CDKL1: variants seen among roughly 807,000 people sequenced by gnomAD.
CDKL1 encodes the protein cyclin-dependent kinase-like 1.
CDKL1 carries 41 observed loss-of-function variants against 42.0 expected under a neutral mutation model. That is an observed-to-expected ratio of 0.98 (90% CI 0.76 to 1.27). The LOEUF is 1.27. Ranked by LOEUF, CDKL1 falls within the 50% of genes most tolerant of loss-of-function variation. The pLI is 0.00. For synonymous variants in CDKL1, 153 were observed against 158.6 expected, an observed-to-expected ratio of 0.96 and a Z score of 0.26; for missense variants, 394 against 428.4, an observed-to-expected ratio of 0.92 and a Z score of 0.71.
Position 50,395,909 on chromosome 14 carries a change from G to T in CDKL1, c.-41C>A, listed in dbSNP as rs1456423915. On this transcript the variant is annotated 5_prime_UTR_variant, in exon 2 of 10. Transcript: ENST00000395834. Reference sequence around the variant, plus strand: ...CTTCTTAAAATGGATCTTCAGCCGAGAATGGTGGCTCACGCCTGTAATCCC... The same window carrying T: ...CTTCTTAAAATGGATCTTCAGCCGATAATGGTGGCTCACGCCTGTAATCCC... 3.1e-6 allele frequency: 5 copies of T among 1,596,928 alleles called. No individual in the cohort carries two copies. Among genetic ancestry groups the T allele is most frequent in the Non-Finnish European group, 4.3e-6 (5 of 1,165,132 alleles).
In CDKL1 at chr14:50,326,605, T is replaced by G. The variant is rs2032714491; in HGVS notation, c.*3469A>C. 1.0e-6 allele frequency: 1 copy of G among 985,342 alleles called. No individual in the cohort carries two copies. The highest frequency in any genetic ancestry group is 4.7e-5 in the South Asian group (1 of 21,292). 61.0% of individuals were successfully genotyped at this position (985,342 alleles called of 1,614,324 possible). Reference sequence around the variant, plus strand: ...CAGAATCAACAGTTGCTGCTTAATTTGTCTATTTTGTAAGCTTAGGCTACT... The same window carrying G: ...CAGAATCAACAGTTGCTGCTTAATTGGTCTATTTTGTAAGCTTAGGCTACT... On this transcript the variant is annotated 3_prime_UTR_variant, in exon 10 of 10. Transcript: ENST00000395834.
chr14:50,373,353 G>T (rs2034640608), intron 2 of CDKL1, among the ~76,000 whole-genome samples: 1 of 152,156 alleles, frequency 6.6e-6, no homozygotes, highest in Non-Finnish European at 1.5e-5. Context: ...AAATGATAAA[G>T]GGACATATGA....
chr14:50,351,172 T>G (rs2139426758), intron 3 of CDKL1, among the ~76,000 whole-genome samples: 1 of 152,172 alleles, frequency 6.6e-6, no homozygotes, highest in Middle Eastern at 3.4e-3. Context: ...ATGGATGTAC[T>G]TGGTCAAAAT....
At chr14:50,337,320 A>G (rs2033333480) in intron 7 of CDKL1, among the ~76,000 whole-genome samples, 1 of 145,482 alleles carries the variant, frequency 6.9e-6, no homozygotes, top group African/African-American at 2.5e-5. Flanking sequence ...ACACTGTTTT[A>G]TAACCGTCTT....
At chr14:50,350,384 C>A (rs1338520163) in intron 3 of CDKL1, among the ~76,000 whole-genome samples, 2 of 152,206 alleles carry the variant, frequency 1.3e-5, no homozygotes, top group South Asian at 2.1e-4. Context: ...CCTTCTCATT[C>A]TTTACTCCCT....
intron 2 of CDKL1, chr14:50,380,216 G>A (rs147867417): frequency 3.8e-6 from 2 of 532,762 alleles, no homozygotes; most frequent in Non-Finnish European, 3.8e-6. Flanking sequence ...GGTCAAAATA[G>A]TAAATCCGAA....
Position 50,396,089 on chromosome 14 carries a change from G to C in CDKL1, c.-221C>G. The stretch of plus-strand genomic sequence containing the variant: ...TAGTCCCAGCAACTCAGGAGACTGA[G>C]GCAGGAGAATCGCGTGAACCTGGGA... On this transcript the variant is annotated 5_prime_UTR_variant, in exon 2 of 10. Coordinates refer to ENST00000395834, the MANE Select transcript of CDKL1 (RefSeq NM_004196.7). 1 of 1,114,190 alleles carries C rather than the reference G, an allele frequency of 9.0e-7. No homozygotes were observed. Among genetic ancestry groups the C allele is most frequent in the Non-Finnish European group, 1.1e-6 (1 of 873,056 alleles). 69.0% of individuals were successfully genotyped at this position (1,114,190 alleles called of 1,614,324 possible). A position where few individuals can be genotyped will look rare whatever the true frequency, so the allele number is the denominator to read the frequency against.
rs1169101125 is a variant in CDKL1, at chr14:50,330,095, G to A, written c.1053C>T (p.Asn351=). The change falls in exon 10 of 10, where the codon AAC becomes AAT. Residue 351 remains asparagine (N), a synonymous_variant. Coordinates refer to ENST00000395834, the MANE Select transcript of CDKL1 (RefSeq NM_004196.7). ...KKYYCDTKKL[N]YRFPNI ...TCCTTTAAATGTTTGGAAAACGGTA[G>A]TTAAGTTTCTTGGTATCACAGTAGT... 1.2e-6 allele frequency: 2 copies of A among 1,608,510 alleles called. No homozygotes were observed. The highest frequency in any genetic ancestry group is 2.7e-5 in the African/African-American group (2 of 74,516).
In CDKL1 at chr14:50,378,336, C is replaced by T. The variant is rs114780025; in HGVS notation, c.168+17365G>A. 242 of 1,366,372 alleles carry T rather than the reference C, an allele frequency of 1.8e-4. No individual in the cohort carries two copies. In the African/African-American group the frequency reaches 2.4e-3, roughly 14 times the overall value. The allele number at this position is 1,366,372 out of a possible 1,614,324, so 84.6% of individuals were successfully genotyped here. On this transcript the variant is annotated intron_variant, in intron 2 of 9. Transcript: ENST00000395834. ...GTAGGGCAATAAGGTTCTTGCTCTG[C>T]GAGGAAATAACTGCACTCAAGAATG... is the stretch of plus-strand genomic sequence containing the variant.
chr14:50,386,297 T>C (rs975939441), intron 2 of CDKL1, among the ~76,000 whole-genome samples: 9 of 151,956 alleles, frequency 5.9e-5, no homozygotes, highest in Non-Finnish European at 1.0e-4. Context: ...TCAGGCACTA[T>C]GGCTCACACG....
At chr14:50,356,426 A>T (rs1357802303) in intron 3 of CDKL1, among the ~76,000 whole-genome samples, 4 of 152,232 alleles carry the variant, frequency 2.6e-5, no homozygotes, top group Non-Finnish European at 4.4e-5. Context: ...TCTCTAAATT[A>T]AAAAGTTTTC....
intron 2 of CDKL1, among the ~76,000 whole-genome samples, chr14:50,373,289 G>A (rs61981904): frequency 0.27 from 41,758 of 152,010 alleles, 6,985 homozygotes; most frequent in African/African-American, 0.46. Context: ...AGAAAAAGAC[G>A]ACCCAGTGGG....
At chr14:50,338,795 G>A (rs1324550469) in intron 7 of CDKL1, 152 bp downstream of exon 7, 1 of 657,796 alleles carries the variant, frequency 1.5e-6, no homozygotes, top group Non-Finnish European at 2.8e-6. Flanking sequence ...GAGCAGTAAG[G>A]CTAAAGTCTC....
chr14:50,329,988 G>T lies in CDKL1; in HGVS notation c.*86C>A, dbSNP rs981067034. ...TTTCTCCTGGTGTGTTTTCAACATT[G>T]TAATTGTTTTCAATCAACTGTATAA... On this transcript the variant is annotated 3_prime_UTR_variant, in exon 10 of 10. Coordinates refer to ENST00000395834, the MANE Select transcript of CDKL1 (RefSeq NM_004196.7). The T allele has an allele frequency of 1.4e-6, 2 of 1,473,802 alleles. No individual in the cohort carries two copies. The highest frequency in any genetic ancestry group is 1.8e-6 in the Non-Finnish European group (2 of 1,102,628). 91.3% of individuals were successfully genotyped at this position (1,473,802 alleles called of 1,614,324 possible).
In CDKL1 at chr14:50,327,353, G is replaced by C. The variant is rs1056818197; in HGVS notation, c.*2721C>G. Reference sequence around the variant, plus strand: ...CTGTCTCAAAAAAAAAAAAAAAAGTGAAAAATAGATAAAACAGGTCTTCAT... The same window carrying C: ...CTGTCTCAAAAAAAAAAAAAAAAGTCAAAAATAGATAAAACAGGTCTTCAT... On this transcript the variant is annotated 3_prime_UTR_variant, in exon 10 of 10. Coordinates refer to ENST00000395834, the MANE Select transcript of CDKL1 (RefSeq NM_004196.7). The C allele has an allele frequency of 1.2e-4, 18 of 146,236 alleles. No individual in the cohort carries two copies. The highest frequency in any genetic ancestry group is 4.3e-4 in the African/African-American group (17 of 39,906). 9.1% of individuals were successfully genotyped at this position (146,236 alleles called of 1,614,324 possible).
intron 2 of CDKL1, among the ~76,000 whole-genome samples, chr14:50,364,346 G>A (rs2034378276): frequency 6.6e-6 from 1 of 152,172 alleles, no homozygotes; most frequent in African/African-American, 2.4e-5. Context: ...GCACGCACCT[G>A]TAATCCCAGC....
Position 50,326,940 on chromosome 14 carries a change from T to C in CDKL1, c.*3134A>G, listed in dbSNP as rs556778791. The C allele has an allele frequency of 2.9e-5, 5 of 170,054 alleles. No homozygotes were observed. In the South Asian group the frequency reaches 9.8e-4, roughly 33 times the overall value. 10.5% of individuals were successfully genotyped at this position (170,054 alleles called of 1,614,324 possible). On this transcript the variant is annotated 3_prime_UTR_variant, in exon 10 of 10. Coordinates refer to ENST00000395834, the MANE Select transcript of CDKL1 (RefSeq NM_004196.7). ...CCTGTAATCTCAGATACTTGGGAGG[T>C]TGAGGTGGTAGGATTGCTTGAGCTC...
intron 3 of CDKL1, chr14:50,357,905 G>A: frequency 2.1e-6 from 1 of 467,116 alleles, no homozygotes; most frequent in Non-Finnish European, 4.0e-6. Flanking sequence ...TATTTGCAAG[G>A]CACAATGAAG....
chr14:50,336,863 TAAA>T (rs35078048), intron 7 of CDKL1, among the ~76,000 whole-genome samples: 2 of 148,346 alleles, frequency 1.3e-5, no homozygotes, highest in Non-Finnish European at 3.0e-5. Flanking sequence ...TTCACAAATG[TAAA>T]AAAAAAAAGC....
Sources: gnomAD v4.1 joint callset for allele counts (sites outside exome capture counted in the v4.1 genomes callset) on GRCh38, gnomAD v4.1.1 for gene constraint, MANE v1.5 for transcripts, NCBI Gene and HGNC (gene_info 2026-07-23, HGNC 2026-07-21) for gene names.